RIMS2: variants seen among roughly 807,000 people sequenced by gnomAD.
RIMS2 encodes regulating synaptic membrane exocytosis protein 2.
Under a neutral mutation model 174.4 loss-of-function variants are expected in RIMS2, and 59 were observed. The ratio of observed to expected loss-of-function variants is 0.34; its 90% CI spans 0.27 to 0.42. The LOEUF is 0.42. Ranked by LOEUF, RIMS2 falls within the 10% of genes least tolerant of loss-of-function variation. The probability of loss-of-function intolerance (pLI) is 1.00; values close to 1 mark genes in which losing one functional copy is unlikely to be tolerated. For missense variants in RIMS2, 1,620 were observed against 1,666.3 expected (o/e 0.97, Z 0.48); for synonymous variants, 606 against 572.5 (o/e 1.06, Z -0.84).
At chr8:104,129,141 T>C (rs1021381381) in intron 19 of RIMS2, among the ~76,000 whole-genome samples, 3 of 152,094 alleles carry the variant, frequency 2.0e-5, no homozygotes, top group African/African-American at 7.2e-5. Flanking sequence ...TCCCAGCATT[T>C]TGAGAGTGTG....
chr8:104,159,780 G>C (rs1171343840), intron 19 of RIMS2, among the ~76,000 whole-genome samples: 1 of 151,998 alleles, frequency 6.6e-6, no homozygotes, highest in African/African-American at 2.4e-5. Flanking sequence ...GGTTCCAGGG[G>C]GTTTTTGTTG....
In RIMS2 at chr8:103,860,234, G is replaced by A. The variant is rs73293832; in HGVS notation, c.699-25064G>A. ...TGATCTGCACACATAAGGGAATGGC[G>A]TGTTTTGAGAGTGCAGGTTCTAGAG... On this transcript the variant is annotated intron_variant, in intron 3 of 23. Transcript: ENST00000504942. Among the ~76,000 whole-genome samples the A allele has an allele frequency of 5.0e-3, 768 of 152,228 alleles. 8 individuals carry two copies. Among genetic ancestry groups the A allele is most frequent in the African/African-American group, 0.017 (726 of 41,560 alleles).
At chr8:104,016,247 A>C (rs776906058) in intron 19 of RIMS2, among the ~76,000 whole-genome samples, 7 of 152,066 alleles carry the variant, frequency 4.6e-5, no homozygotes, top group Non-Finnish European at 8.8e-5. Flanking sequence ...TATTTATTTA[A>C]AAAGGGAAAA....
At chr8:103,537,018 A>G (rs1007054691) in intron 1 of RIMS2, among the ~76,000 whole-genome samples, 9 of 152,374 alleles carry the variant, frequency 5.9e-5, no homozygotes, top group African/African-American at 2.2e-4. Context: ...TTAATTCACT[A>G]TATGGCAGCA....
chr8:103,717,969 G>A (rs577958142), intron 2 of RIMS2, among the ~76,000 whole-genome samples: 1 of 152,168 alleles, frequency 6.6e-6, no homozygotes, highest in South Asian at 2.1e-4. Flanking sequence ...ATAACCACAT[G>A]TGGCTAATGG....
intron 19 of RIMS2, among the ~76,000 whole-genome samples, chr8:104,113,007 C>G (rs1289389065): frequency 6.6e-6 from 1 of 152,094 alleles, no homozygotes; most frequent in East Asian, 1.9e-4. Context: ...CATCATGTTC[C>G]TTTTGTTCAT....
chr8:103,851,291 T>C (rs2098996529), intron 3 of RIMS2, among the ~76,000 whole-genome samples: 1 of 151,902 alleles, frequency 6.6e-6, no homozygotes, highest in Non-Finnish European at 1.5e-5. Context: ...TGTGGTACTA[T>C]ATTTCTATTA....
intron 1 of RIMS2, among the ~76,000 whole-genome samples, chr8:103,695,537 T>C (rs1260291468): frequency 1.3e-5 from 2 of 151,988 alleles, no homozygotes; most frequent in Non-Finnish European, 2.9e-5. Context: ...AGGAGTATCA[T>C]ACTCTTTCTG....
At chr8:103,539,918 C>G (rs1269199486) in intron 1 of RIMS2, among the ~76,000 whole-genome samples, 1 of 152,254 alleles carries the variant, frequency 6.6e-6, no homozygotes, top group Non-Finnish European at 1.5e-5. Flanking sequence ...GAGCCAAGCT[C>G]TTGCTGTGCA....
intron 19 of RIMS2, among the ~76,000 whole-genome samples, chr8:104,112,958 G>T (rs1054502013): frequency 9.9e-5 from 15 of 152,224 alleles, no homozygotes; most frequent in African/African-American, 3.6e-4. Context: ...AAAATTTAGT[G>T]CCCTTTTCAT....
intron 3 of RIMS2, among the ~76,000 whole-genome samples, chr8:103,885,047 T>C (rs192634969): frequency 6.6e-6 from 1 of 151,984 alleles, no homozygotes; most frequent in East Asian, 1.9e-4. Context: ...TGGAATATCA[T>C]ATTATCTAAT....
intron 19 of RIMS2, among the ~76,000 whole-genome samples, chr8:104,192,212 A>G (rs1471023991): frequency 6.6e-6 from 1 of 152,174 alleles, no homozygotes; most frequent in African/African-American, 2.4e-5. Flanking sequence ...GAATAGGGCC[A>G]TTTGTTCAGT....
At chr8:103,967,120 T>C (rs1269928769) in intron 15 of RIMS2, among the ~76,000 whole-genome samples, 2 of 151,316 alleles carry the variant, frequency 1.3e-5, no homozygotes, top group Non-Finnish European at 2.9e-5. Context: ...GATGGTGTTT[T>C]TGAGTTCACT....
intron 19 of RIMS2, among the ~76,000 whole-genome samples, chr8:104,024,517 C>G (rs745619118): frequency 3.3e-5 from 5 of 152,030 alleles, no homozygotes; most frequent in African/African-American, 4.8e-5. Flanking sequence ...ATTGTGTTCT[C>G]TTTGCATGGA....
intron 1 of RIMS2, among the ~76,000 whole-genome samples, chr8:103,611,324 C>T (rs1454958698): frequency 6.6e-6 from 1 of 152,054 alleles, no homozygotes; most frequent in Non-Finnish European, 1.5e-5. Flanking sequence ...ATCACTTAGT[C>T]TTTCTTCTTA....
At chr8:103,654,768 A>G (rs2096503625) in intron 1 of RIMS2, among the ~76,000 whole-genome samples, 1 of 151,926 alleles carries the variant, frequency 6.6e-6, no homozygotes, top group Non-Finnish European at 1.5e-5. Context: ...CTTACTTTCT[A>G]TTATTCATCC....
chr8:104,056,142 T>G (rs1025715965), intron 19 of RIMS2, among the ~76,000 whole-genome samples: 3 of 152,186 alleles, frequency 2.0e-5, no homozygotes, highest in African/African-American at 7.2e-5. Flanking sequence ...TGGTGGCTCA[T>G]TCCTATAATC....
chr8:103,850,916 A>T (rs1053626745), intron 3 of RIMS2, among the ~76,000 whole-genome samples: 10 of 151,980 alleles, frequency 6.6e-5, no homozygotes, highest in African/African-American at 2.4e-4. Context: ...ATGTTTTCCT[A>T]TGTTAAATCT....
In RIMS2 at chr8:103,509,460, A is replaced by G. The variant is rs533420426; in HGVS notation, c.176+8398A>G. Among the ~76,000 whole-genome samples the G allele has an allele frequency of 2.6e-5, 4 of 152,192 alleles. No individual in the cohort carries two copies. The East Asian group carries it at 7.7e-4, about 29-fold the overall frequency. The stretch of plus-strand genomic sequence containing the variant: ...CAAGGACAAATTTCCTTCCCTGTAT[A>G]TATTTCTGTATCACCTCTAAGGGAA... On this transcript the variant is annotated intron_variant, in intron 1 of 23. Coordinates refer to ENST00000504942, the Ensembl canonical transcript of RIMS2.
Sources: gnomAD v4.1 joint callset for allele counts (sites outside exome capture counted in the v4.1 genomes callset) on GRCh38, gnomAD v4.1.1 for gene constraint, MANE v1.5 for transcripts, NCBI Gene and HGNC (gene_info 2026-07-23, HGNC 2026-07-21) for gene names.